Variants in ST6GALNAC3 observed in about 807,000 individuals in gnomAD.
The protein encoded by ST6GALNAC3 is alpha-N-acetylgalactosaminide alpha-2,6-sialyltransferase 3.
In ST6GALNAC3, 25 loss-of-function variants were observed where a neutral mutation model predicts 32.7. That is an observed-to-expected ratio of 0.76 (90% confidence interval 0.56 to 1.07). The LOEUF (loss-of-function observed/expected upper bound fraction) is 1.07, where lower values mean the gene tolerates loss of function less well. ST6GALNAC3 is among the 50% of genes least tolerant of loss of function. The pLI is 0.00. For synonymous variants in ST6GALNAC3, 129 were observed against 133.1 expected, an observed-to-expected ratio of 0.97 and a Z score of 0.21; for missense variants, 355 against 382.4, an observed-to-expected ratio of 0.93 and a Z score of 0.60.
intron 3 of ST6GALNAC3, among the ~76,000 whole-genome samples, chr1:76,548,835 C>A (rs1353267095): frequency 6.6e-6 from 1 of 152,088 alleles, no homozygotes; most frequent in African/African-American, 2.4e-5. Context: ...TGGCATTTAC[C>A]ATGATTTGTA....
At chr1:76,302,710 C>G (rs1660798466) in intron 1 of ST6GALNAC3, among the ~76,000 whole-genome samples, 1 of 151,840 alleles carries the variant, frequency 6.6e-6, no homozygotes, top group South Asian at 2.1e-4. Context: ...CTTATTTTCC[C>G]CAATTTTAGG....
chr1:76,398,101 A>C (rs1359330413), intron 2 of ST6GALNAC3, among the ~76,000 whole-genome samples: 1 of 152,172 alleles, frequency 6.6e-6, no homozygotes, highest in Non-Finnish European at 1.5e-5. Context: ...ATGTCTAGTT[A>C]AGAGCTTCTA....
intron 1 of ST6GALNAC3, among the ~76,000 whole-genome samples, chr1:76,298,072 G>C (rs1406299585): frequency 6.6e-6 from 1 of 152,006 alleles, no homozygotes; most frequent in Non-Finnish European, 1.5e-5. Context: ...GTACAAGTTT[G>C]GGAGGCTGAG....
At chr1:76,086,980 A>T (rs972052682) in intron 1 of ST6GALNAC3, among the ~76,000 whole-genome samples, 7 of 152,132 alleles carry the variant, frequency 4.6e-5, no homozygotes, top group African/African-American at 1.4e-4. Flanking sequence ...TTGCCACTTT[A>T]TATGTGCTGC....
At chr1:76,566,215 T>C (rs2100460929) in intron 3 of ST6GALNAC3, among the ~76,000 whole-genome samples, 2 of 152,250 alleles carry the variant, frequency 1.3e-5, no homozygotes, top group South Asian at 4.2e-4. Context: ...GACTAATATA[T>C]GTAATAGCTT....
chr1:76,239,261 C>A (rs17098469), intron 1 of ST6GALNAC3, among the ~76,000 whole-genome samples: 31,834 of 151,858 alleles, frequency 0.21, 4,390 homozygotes, highest in African/African-American at 0.4. Context: ...ATATATGGCC[C>A]AAGTCAGCAT....
Position 76,494,564 on chromosome 1 carries a change from C to T in ST6GALNAC3, c.623+82147C>T, listed in dbSNP as rs867298887. 2.2e-3 allele frequency among the ~76,000 whole-genome samples: 321 copies of T among 143,492 alleles called. 5 individuals are homozygous for T. Among genetic ancestry groups the T allele is most frequent in the African/African-American group, 8.1e-3 (310 of 38,446 alleles). The allele number at this position is 143,492 out of a possible 152,430, so 94.1% of individuals were successfully genotyped here. A position where few individuals can be genotyped will look rare whatever the true frequency, so the allele number is the denominator to read the frequency against. The stretch of plus-strand genomic sequence containing the variant: ...TCATGTGTATAAACACACACACACA[C>T]ACACACACACACACACACACTTTCC... On this transcript the variant is annotated intron_variant, in intron 3 of 4. Coordinates refer to ENST00000328299, the MANE Select transcript of ST6GALNAC3 (RefSeq NM_152996.4).
At chr1:76,465,182 G>C (rs182503543) in intron 3 of ST6GALNAC3, among the ~76,000 whole-genome samples, 1 of 152,120 alleles carries the variant, frequency 6.6e-6, no homozygotes, top group Non-Finnish European at 1.5e-5. Context: ...AGAATTTTCT[G>C]CATGTCAGAT....
chr1:76,491,540 G>A (rs1286293126), intron 3 of ST6GALNAC3, among the ~76,000 whole-genome samples: 1 of 152,164 alleles, frequency 6.6e-6, no homozygotes, highest in African/African-American at 2.4e-5. Flanking sequence ...GAGCAGGATG[G>A]AGTAAGCACA....
In ST6GALNAC3 at chr1:76,629,038, C is replaced by T. The variant is rs1006698636; in HGVS notation, c.*232C>T. 3.9e-6 allele frequency: 5 copies of T among 1,281,830 alleles called. No homozygotes were observed. Among genetic ancestry groups the T allele is most frequent in the Non-Finnish European group, 2.9e-6 (3 of 1,017,096 alleles). 79.4% of individuals were successfully genotyped at this position (1,281,830 alleles called of 1,614,324 possible). A position where few individuals can be genotyped will look rare whatever the true frequency, so the allele number is the denominator to read the frequency against. ...TCTGGAGGTTCAACACTACGTACCG[C>T]ACTTTATAATTTAACTGGAATTGAG... On this transcript the variant is annotated 3_prime_UTR_variant, in exon 5 of 5. Transcript: ENST00000328299.
chr1:76,151,286 C>G (rs184744897), intron 1 of ST6GALNAC3, among the ~76,000 whole-genome samples: 2 of 152,236 alleles, frequency 1.3e-5, no homozygotes, highest in Middle Eastern at 3.4e-3. Context: ...CAAGGGGTGA[C>G]GTTAAAACTA....
intron 3 of ST6GALNAC3, among the ~76,000 whole-genome samples, chr1:76,441,705 G>A (rs1656619452): frequency 6.6e-6 from 1 of 151,836 alleles, no homozygotes; most frequent in Non-Finnish European, 1.5e-5. Flanking sequence ...TCAAATAGTA[G>A]GTCTTATTCA....
chr1:76,540,905 A>T (rs992254210), intron 3 of ST6GALNAC3, among the ~76,000 whole-genome samples: 3 of 152,198 alleles, frequency 2.0e-5, no homozygotes, highest in Non-Finnish European at 4.4e-5. Flanking sequence ...TGTTGGGGAA[A>T]CCAATATGTA....
At chr1:76,135,948 CTG>C (rs1156721147) in intron 1 of ST6GALNAC3, among the ~76,000 whole-genome samples, 2 of 152,154 alleles carry the variant, frequency 1.3e-5, no homozygotes, top group Non-Finnish European at 2.9e-5. Context: ...TGCCTTGAAT[CTG>C]TGATTCTGTC....
chr1:76,322,513 A>T (rs1022936321), intron 2 of ST6GALNAC3, among the ~76,000 whole-genome samples: 2 of 152,202 alleles, frequency 1.3e-5, no homozygotes, highest in Admixed American at 1.3e-4. Flanking sequence ...CATCTTACAC[A>T]AGAAATTCAT....
intron 2 of ST6GALNAC3, among the ~76,000 whole-genome samples, chr1:76,404,311 A>G (rs12143452): frequency 0.029 from 4,456 of 152,164 alleles, 96 homozygotes; most frequent in Middle Eastern, 0.075. Flanking sequence ...GCAAGGAAGT[A>G]CATTTACAGG....
At chr1:76,141,103 G>T (rs1650293862) in intron 1 of ST6GALNAC3, among the ~76,000 whole-genome samples, 2 of 152,102 alleles carry the variant, frequency 1.3e-5, no homozygotes, top group African/African-American at 4.8e-5. Context: ...GGATGTCCCT[G>T]GCAGCCCATC....
chr1:76,424,685 A>G (rs1285463912), intron 3 of ST6GALNAC3, among the ~76,000 whole-genome samples: 2 of 152,094 alleles, frequency 1.3e-5, no homozygotes, highest in South Asian at 2.1e-4. Flanking sequence ...TTTGTGATTA[A>G]AACTGTTACT....
intron 3 of ST6GALNAC3, among the ~76,000 whole-genome samples, chr1:76,452,494 G>A (rs1657482611): frequency 6.6e-6 from 1 of 152,138 alleles, no homozygotes; most frequent in South Asian, 2.1e-4. Flanking sequence ...TAAAAGGATA[G>A]TGAATTTTGT....
Sources: allele counts gnomAD v4.1 joint callset (sites outside exome capture counted in the v4.1 genomes callset), GRCh38; gene constraint gnomAD v4.1.1; transcripts MANE v1.5; gene names NCBI Gene and HGNC (gene_info 2026-07-23, HGNC 2026-07-21).